The following SLX4IP variants were observed in gnomAD, a reference collection of about 807,000 sequenced individuals.
SLX4IP encodes SLX4 interacting protein.
In SLX4IP, 34 loss-of-function variants were observed where a neutral mutation model predicts 32.9. The ratio of observed to expected loss-of-function variants is 1.03; its 90% CI spans 0.79 to 1.38. SLX4IP has a LOEUF of 1.38. SLX4IP is among the 40% of genes most tolerant of loss of function. SLX4IP has a pLI of 0.00. For missense variants in SLX4IP, 444 were observed against 479.0 expected (o/e 0.93, Z 0.68); for synonymous variants, 172 against 171.7 (o/e 1.00, Z -0.01).
At chr20:10,440,526 T>C (rs1344301575) in intron 1 of SLX4IP, among the ~76,000 whole-genome samples, 1 of 152,104 alleles carries the variant, frequency 6.6e-6, no homozygotes, top group Non-Finnish European at 1.5e-5. Flanking sequence ...AAATTATTCT[T>C]GGGTATGTAG....
At chr20:10,613,578 T>G in intron 6 of SLX4IP, 1 of 1,612,836 alleles carries the variant, frequency 6.2e-7, no homozygotes, top group Non-Finnish European at 8.5e-7. Flanking sequence ...CTTCAGGCTA[T>G]CCACGCCTTC....
intron 2 of SLX4IP, among the ~76,000 whole-genome samples, chr20:10,555,245 C>T (rs1285895687): frequency 6.6e-6 from 1 of 151,462 alleles, no homozygotes; most frequent in Non-Finnish European, 1.5e-5. Context: ...AAAAACTGAA[C>T]CTCTGAGTCT....
At chr20:10,523,077 C>T (rs2065912823) in intron 2 of SLX4IP, among the ~76,000 whole-genome samples, 1 of 152,128 alleles carries the variant, frequency 6.6e-6, no homozygotes, top group African/African-American at 2.4e-5. Context: ...TATGTGAATC[C>T]TAAGTGCAAA....
intron 2 of SLX4IP, among the ~76,000 whole-genome samples, chr20:10,459,208 A>C (rs2065315102): frequency 6.6e-6 from 1 of 151,640 alleles, no homozygotes; most frequent in African/African-American, 2.4e-5. Context: ...TAATGGCGTC[A>C]TTTGTTTTTT....
intron 6 of SLX4IP, among the ~76,000 whole-genome samples, chr20:10,606,145 T>G (rs765728216): frequency 1.7e-4 from 26 of 152,144 alleles, no homozygotes; most frequent in Non-Finnish European, 1.5e-5. Context: ...AAAATAATTT[T>G]GCACAAAGAA....
At position 10,627,177 on chromosome 20, in the gene SLX4IP, C is replaced by G. The variant is rs537539337; in HGVS notation, c.*3798C>G. ...AGGTAACAGATGCCTTTCCTAAGAA[C>G]TCAAAGTTCTCTTTTCAGCGTGCTG... On this transcript the variant is annotated 3_prime_UTR_variant, in exon 8 of 8. Coordinates refer to ENST00000334534, the MANE Select transcript of SLX4IP (RefSeq NM_001009608.3). 6.6e-6 allele frequency: 1 copy of G among 152,306 alleles called. No homozygotes were observed. The highest frequency in any genetic ancestry group is 2.4e-5 in the African/African-American group (1 of 41,572). The allele number at this position is 152,306 out of a possible 1,614,324, so 9.4% of individuals were successfully genotyped here.
Position 10,477,510 on chromosome 20 carries a change from G to A in SLX4IP, c.27+19279G>A, listed in dbSNP as rs909434742. Among the ~76,000 whole-genome samples, 2 of 152,036 alleles carry A rather than the reference G, an allele frequency of 1.3e-5. 1 individual carries two copies. Among genetic ancestry groups the A allele is most frequent in the Non-Finnish European group, 2.9e-5 (2 of 67,998 alleles). On this transcript the variant is annotated intron_variant, in intron 2 of 7. Transcript: ENST00000334534. ...TTGAACTCCTGACCTCAGGTGATCC[G>A]CTTGCCTCTGCCTCCCAAAGTGCTG...
chr20:10,489,246 G>A (rs531934588), intron 2 of SLX4IP, among the ~76,000 whole-genome samples: 2 of 152,062 alleles, frequency 1.3e-5, no homozygotes, highest in Non-Finnish European at 1.5e-5. Context: ...GTTATAGTTC[G>A]GTCCACTAAT....
chr20:10,460,288 T>C (rs2065325529), intron 2 of SLX4IP, among the ~76,000 whole-genome samples: 1 of 152,242 alleles, frequency 6.6e-6, no homozygotes, highest in Non-Finnish European at 1.5e-5. Context: ...TCATTATGTA[T>C]TGATGCTTAA....
chr20:10,484,143 C>G (rs2065551330), intron 2 of SLX4IP, among the ~76,000 whole-genome samples: 1 of 152,064 alleles, frequency 6.6e-6, no homozygotes, highest in Non-Finnish European at 1.5e-5. Flanking sequence ...AATTTATGTG[C>G]TTTTCTCTCG....
intron 4 of SLX4IP, among the ~76,000 whole-genome samples, chr20:10,581,021 G>A (rs944618626): frequency 6.6e-6 from 1 of 150,416 alleles, no homozygotes; most frequent in African/African-American, 2.4e-5. Context: ...CATTTCTAAG[G>A]AATCTTTTTT....
At chr20:10,475,445 T>A (rs1267073879) in intron 2 of SLX4IP, among the ~76,000 whole-genome samples, 1 of 152,154 alleles carries the variant, frequency 6.6e-6, no homozygotes, top group Non-Finnish European at 1.5e-5. Context: ...CAGTTTATGA[T>A]AAGGGAGTGT....
At chr20:10,610,230 T>A (rs1341871716) in intron 6 of SLX4IP, among the ~76,000 whole-genome samples, 1 of 152,200 alleles carries the variant, frequency 6.6e-6, no homozygotes, top group African/African-American at 2.4e-5. Context: ...GATTTCATGT[T>A]TAGGGTGATA....
chr20:10,537,271 T>C (rs1719887833), intron 2 of SLX4IP, among the ~76,000 whole-genome samples: 1 of 152,190 alleles, frequency 6.6e-6, no homozygotes, highest in African/African-American at 2.4e-5. Flanking sequence ...AGGAACTACT[T>C]TAAGGGCAGT....
chr20:10,539,869 C>T (rs2066083995), intron 2 of SLX4IP, among the ~76,000 whole-genome samples: 1 of 152,088 alleles, frequency 6.6e-6, no homozygotes, highest in Non-Finnish European at 1.5e-5. Flanking sequence ...ATTTTAAAAG[C>T]TCCCCAAGTG....
At chr20:10,488,963 G>A (rs1299385236) in intron 2 of SLX4IP, among the ~76,000 whole-genome samples, 3 of 152,054 alleles carry the variant, frequency 2.0e-5, no homozygotes, top group African/African-American at 7.2e-5. Context: ...GTTTTCTGCT[G>A]GTTTGGGGTT....
At chr20:10,435,828 A>T (rs2065107035) in intron 1 of SLX4IP, among the ~76,000 whole-genome samples, 1 of 152,204 alleles carries the variant, frequency 6.6e-6, no homozygotes, top group African/African-American at 2.4e-5. Context: ...TATACTTCCC[A>T]TTCATTCATT....
At chr20:10,598,568 T>C in intron 4 of SLX4IP, 107 bp from the exon 5 acceptor site, 2 of 1,058,094 alleles carry the variant, frequency 1.9e-6, no homozygotes, top group Non-Finnish European at 2.9e-6. Context: ...TCAGCTTCAT[T>C]TGCTAAATAA....
At chr20:10,586,923 C>G (rs981155239) in intron 4 of SLX4IP, among the ~76,000 whole-genome samples, 3 of 152,068 alleles carry the variant, frequency 2.0e-5, no homozygotes, top group Admixed American at 2.0e-4. Flanking sequence ...AGCACCAGGT[C>G]TGGATATTTT....
Sources: allele counts gnomAD v4.1 joint callset (sites outside exome capture counted in the v4.1 genomes callset), GRCh38; gene constraint gnomAD v4.1.1; transcripts MANE v1.5; gene names NCBI Gene and HGNC (gene_info 2026-07-23, HGNC 2026-07-21).